The following ABCA8 variants were observed in gnomAD, a reference collection of about 807,000 sequenced individuals.
ABCA8 encodes the protein ABC-type organic anion transporter ABCA8.
Under a neutral mutation model 192.3 loss-of-function variants are expected in ABCA8, and 177 were observed. The observed-to-expected ratio is 0.92, with a 90% CI of 0.81 to 1.04. The LOEUF (loss-of-function observed/expected upper bound fraction) is 1.04. Among genes scored for constraint, ABCA8 ranks in the 50% least tolerant of loss-of-function variants. The pLI is 0.00. For missense variants in ABCA8, 1,915 were observed against 1,904.8 expected, an observed-to-expected ratio of 1.01 and a Z score of -0.10; for synonymous variants, 642 against 690.2, an observed-to-expected ratio of 0.93 and a Z score of 1.09.
intron 10 of ABCA8, among the ~76,000 whole-genome samples, chr17:68,927,089 T>A (rs2143668514): frequency 6.6e-6 from 1 of 152,116 alleles, no homozygotes; most frequent in South Asian, 2.1e-4. Context: ...AACCCCATCG[T>A]CTCTACTAAA....
At chr17:68,946,051 AATT>A (rs1259770196) in intron 2 of ABCA8, among the ~76,000 whole-genome samples, 2 of 96,690 alleles carry the variant, frequency 2.1e-5, no homozygotes, top group African/African-American at 1.0e-4. Flanking sequence ...TTTTTACCAA[AATT>A]AATTAATTAA....
chr17:68,888,774 G>T (rs538182852), intron 24 of ABCA8, among the ~76,000 whole-genome samples: 12 of 152,206 alleles, frequency 7.9e-5, no homozygotes, highest in South Asian at 2.1e-4. Context: ...TACAATTAGA[G>T]ATCTGGGGTA....
At chr17:68,913,690 A>G (rs1040882343) in intron 17 of ABCA8, among the ~76,000 whole-genome samples, 10 of 152,112 alleles carry the variant, frequency 6.6e-5, no homozygotes, top group Admixed American at 4.6e-4. Flanking sequence ...CCGTGAAGAA[A>G]TCCAAAACCT....
At chr17:68,938,168 A>G (rs2068122574) in intron 4 of ABCA8, among the ~76,000 whole-genome samples, 1 of 152,124 alleles carries the variant, frequency 6.6e-6, no homozygotes, top group Non-Finnish European at 1.5e-5. Flanking sequence ...CAGTGTTGGT[A>G]GGTAAGATGC....
intron 24 of ABCA8, among the ~76,000 whole-genome samples, chr17:68,887,925 T>TATATGGA: frequency 3.0e-5 from 3 of 101,018 alleles, no homozygotes; most frequent in Non-Finnish European, 5.7e-5. Context: ...TATATATATA[T>TATATGGA]TATATATGGA....
intron 24 of ABCA8, 52 bp downstream of exon 24, chr17:68,891,437 C>G: frequency 1.6e-6 from 2 of 1,278,028 alleles, no homozygotes; most frequent in Non-Finnish European, 2.2e-6. Context: ...GTAAAATTAC[C>G]TTCTGCTTTC....
intron 21 of ABCA8, among the ~76,000 whole-genome samples, chr17:68,899,703 G>A (rs964703267): frequency 6.6e-5 from 10 of 152,018 alleles, no homozygotes; most frequent in East Asian, 3.9e-4. Context: ...CTAAAGGCAA[G>A]GACATCAAAC....
intron 28 of ABCA8, among the ~76,000 whole-genome samples, 193 bp from the exon 29 acceptor site, chr17:68,884,075 A>G (rs1285449391): frequency 1.3e-5 from 2 of 152,196 alleles, no homozygotes; most frequent in African/African-American, 2.4e-5. Flanking sequence ...GTAGGAAACA[A>G]CTATAGTTAT....
chr17:68,944,359 T>TATATACAC (rs765731645), intron 2 of ABCA8, among the ~76,000 whole-genome samples: 1,456 of 68,536 alleles, frequency 0.021, 55 homozygotes, highest in Middle Eastern at 0.041. Flanking sequence ...TATATATATA[T>TATATACAC]ACACATATAC....
At chr17:68,894,750 A>G in intron 22 of ABCA8, 130 bp downstream of exon 22, 1 of 1,035,932 alleles carries the variant, frequency 9.7e-7, no homozygotes, top group East Asian at 2.5e-5. Context: ...GCCAGTGAAT[A>G]CAATTCACTA....
chr17:68,883,948 C>A, intron 28 of ABCA8, 66 bp from the exon 29 acceptor site: 1 of 968,556 alleles, frequency 1.0e-6, no homozygotes, highest in Non-Finnish European at 1.5e-6. Context: ...CAAAGATATA[C>A]TAATAATAAC....
chr17:68,948,246 C>A (rs1053200292), intron 2 of ABCA8, among the ~76,000 whole-genome samples: 1 of 152,078 alleles, frequency 6.6e-6, no homozygotes, highest in Non-Finnish European at 1.5e-5. Context: ...ATTTATATTC[C>A]TTTGGGTATA....
At chr17:68,928,757 T>G (rs2067769905) in intron 9 of ABCA8, among the ~76,000 whole-genome samples, 1 of 152,216 alleles carries the variant, frequency 6.6e-6, no homozygotes, top group African/African-American at 2.4e-5. Flanking sequence ...GAATAGTTAT[T>G]TATAATTAGA....
chr17:68,947,808 A>G (rs1367266205), intron 2 of ABCA8, among the ~76,000 whole-genome samples: 2 of 152,216 alleles, frequency 1.3e-5, no homozygotes, highest in South Asian at 2.1e-4. Flanking sequence ...ACATGTAACC[A>G]TGGTGGTTTG....
chr17:68,933,783 A>G (rs1216664990), intron 5 of ABCA8, among the ~76,000 whole-genome samples: 1 of 152,154 alleles, frequency 6.6e-6, no homozygotes, highest in African/African-American at 2.4e-5. Context: ...TTATTCAAAA[A>G]GAGCTGTCAG....
At chr17:68,878,042 T>C (rs189952786) in intron 32 of ABCA8, 16 of 179,614 alleles carry the variant, frequency 8.9e-5, no homozygotes, top group Admixed American at 4.2e-4. Context: ...GTACCTCCTA[T>C]GTAACAAGTG....
chr17:68,951,907 T>A (rs2068578008), intron 1 of ABCA8, among the ~76,000 whole-genome samples: 1 of 152,234 alleles, frequency 6.6e-6, no homozygotes. Context: ...AATTTTTGTT[T>A]TGGATGATCT....
At chr17:68,933,113 C>G in intron 6 of ABCA8, 55 bp downstream of exon 6, 2 of 1,247,704 alleles carry the variant, frequency 1.6e-6, no homozygotes, top group Non-Finnish European at 2.3e-6. Flanking sequence ...TTTGATGCCT[C>G]TAATATCATT....
chr17:68,922,190 CTCTCTTTTTTTTTTTTTTTTTTTTTTT>C lies in ABCA8; in HGVS notation c.1501+25_1501+51del, dbSNP rs2067552391. On this transcript the variant is annotated intron_variant, in intron 12 of 39. Coordinates refer to ENST00000586539, the MANE Select transcript of ABCA8 (RefSeq NM_001288985.2). Reference sequence around the variant, plus strand: ...AATATAACAAATATTTTCTTTCTCTCTCTCTTTTTTTTTTTTTTTTTTTTTTTTTTTTTTTTTTTTTTTTTTTTTACC... The same window carrying C: ...AATATAACAAATATTTTCTTTCTCTCTTTTTTTTTTTTTTTTTTTTTTACC... The C allele has an allele frequency of 2.0e-5, 13 of 639,734 alleles. No homozygotes were observed. In the East Asian group the frequency reaches 2.7e-4, roughly 13 times the overall value. The allele number at this position is 639,734 out of a possible 1,614,324, so 39.6% of individuals were successfully genotyped here.
Sources: allele counts gnomAD v4.1 joint callset (sites outside exome capture counted in the v4.1 genomes callset), GRCh38; gene constraint gnomAD v4.1.1; transcripts MANE v1.5; gene names NCBI Gene and HGNC (gene_info 2026-07-23, HGNC 2026-07-21).